MAP4K4: variants seen among roughly 807,000 people sequenced by gnomAD.
MAP4K4 encodes the protein mitogen-activated protein kinase kinase kinase kinase 4.
MAP4K4 carries 38 observed loss-of-function variants against 189.6 expected under a neutral mutation model. That is an observed-to-expected ratio of 0.20 (90% CI 0.15 to 0.26). The LOEUF is 0.26. Among genes scored for constraint, MAP4K4 ranks in the 10% least tolerant of loss-of-function variants. The pLI is 1.00. For synonymous variants in MAP4K4, 610 were observed against 624.3 expected (o/e 0.98, Z 0.34); for missense variants, 1,054 against 1,726.9 (o/e 0.61, Z 6.91).
intron 4 of MAP4K4, among the ~76,000 whole-genome samples, chr2:101,824,941 T>C (rs1229997132): frequency 6.6e-6 from 1 of 152,174 alleles, no homozygotes; most frequent in African/African-American, 2.4e-5. Context: ...ATGTGAAAAG[T>C]AGAATGTTTT....
chr2:101,834,092 T>C (rs189090776), intron 7 of MAP4K4, among the ~76,000 whole-genome samples: 44 of 152,300 alleles, frequency 2.9e-4, no homozygotes, highest in African/African-American at 9.6e-4. Flanking sequence ...TGCTTTTAAG[T>C]GGACCAGCTC....
chr2:101,792,629 T>TCC lies in MAP4K4; in HGVS notation c.180+1853_180+1854insCC, dbSNP rs1558948672. 1.9e-3 allele frequency among the ~76,000 whole-genome samples: 280 copies of TCC among 148,198 alleles called. 2 individuals are homozygous for TCC. Among genetic ancestry groups the TCC allele is most frequent in the African/African-American group, 6.3e-3 (248 of 39,102 alleles). The stretch of plus-strand genomic sequence containing the variant: ...CTCCTCCTCCTCCTCCTCCTCCTCC[T>TCC]TCTTCTTTCTTCTTCTTATTTTTTG... On this transcript the variant is annotated intron_variant, in intron 3 of 32. Transcript: ENST00000324219.
intron 2 of MAP4K4, among the ~76,000 whole-genome samples, chr2:101,765,471 C>T (rs1268540470): frequency 1.3e-5 from 2 of 151,920 alleles, no homozygotes; most frequent in East Asian, 1.9e-4. Flanking sequence ...CTGGGAGGTG[C>T]GCGCCACCAT....
intron 3 of MAP4K4, among the ~76,000 whole-genome samples, chr2:101,805,072 CAAAAAA>C (rs36081384): frequency 1.9e-4 from 11 of 56,434 alleles, no homozygotes; most frequent in Non-Finnish European, 3.8e-4. Context: ...GACTCCAGAT[CAAAAAA>C]AAAAAAAAAA....
intron 3 of MAP4K4, among the ~76,000 whole-genome samples, chr2:101,804,054 C>T (rs947045349): frequency 3.9e-5 from 6 of 152,142 alleles, no homozygotes; most frequent in African/African-American, 1.2e-4. Flanking sequence ...CTCTCTGCTC[C>T]AAGGGCAGAA....
At chr2:101,851,724 C>CTTTTTTTTTTTTTTTTTTTTTTTTT (rs36217584) in intron 12 of MAP4K4, among the ~76,000 whole-genome samples, 5 of 67,908 alleles carry the variant, frequency 7.4e-5, no homozygotes, top group Non-Finnish European at 1.4e-4. Context: ...TAACTGTCCT[C>CTTTTTTTTTTTTTTTTTTTTTTTTT]TTTTTTTTTT....
chr2:101,850,036 C>G (rs1458375151), intron 12 of MAP4K4, among the ~76,000 whole-genome samples: 1 of 152,238 alleles, frequency 6.6e-6, no homozygotes, highest in East Asian at 1.9e-4. Flanking sequence ...TTTCTTACAT[C>G]TTTCCTTTCA....
At chr2:101,839,722 C>T in intron 9 of MAP4K4, 97 bp from the exon 10 acceptor site, 1 of 896,136 alleles carries the variant, frequency 1.1e-6, no homozygotes, top group Non-Finnish European at 1.7e-6. Context: ...ACAGTGAATT[C>T]TGAAGCTCTT....
chr2:101,707,450 C>A (rs1333540888), intron 2 of MAP4K4, among the ~76,000 whole-genome samples: 4 of 152,038 alleles, frequency 2.6e-5, no homozygotes, highest in Non-Finnish European at 5.9e-5. Flanking sequence ...CTCAGGTGAT[C>A]CCCCTGCCTG....
chr2:101,861,254 G>A (rs1412712402), intron 16 of MAP4K4: 1 of 298,468 alleles, frequency 3.4e-6, no homozygotes, highest in Non-Finnish European at 6.1e-6. Flanking sequence ...CAGGTGTTAA[G>A]TGCCTCCTTT....
At chr2:101,787,804 CTTT>C (rs750909990) in intron 2 of MAP4K4, among the ~76,000 whole-genome samples, 1 of 128,834 alleles carries the variant, frequency 7.8e-6, no homozygotes. Flanking sequence ...TAGAAGTTTG[CTTT>C]TTTTTTTTTT....
intron 2 of MAP4K4, among the ~76,000 whole-genome samples, chr2:101,784,107 C>T (rs777665500): frequency 2.0e-5 from 3 of 152,192 alleles, no homozygotes; most frequent in Non-Finnish European, 4.4e-5. Flanking sequence ...TCAGCCGCAG[C>T]CACCATGGTG....
chr2:101,891,391 C>T (rs1445200188), exon 33 of MAP4K4: 4 of 651,760 alleles, frequency 6.1e-6, no homozygotes, highest in South Asian at 1.8e-5. Flanking sequence ...GGGTTCTCTC[C>T]CCTCCTTCCT....
chr2:101,828,616 TAAC>T (rs2096468144), intron 5 of MAP4K4, among the ~76,000 whole-genome samples: 1 of 152,314 alleles, frequency 6.6e-6, no homozygotes, highest in East Asian at 1.9e-4. Context: ...AAAGTAATGA[TAAC>T]AATAAAACCC....
At chr2:101,805,748 G>A (rs911995448) in intron 3 of MAP4K4, among the ~76,000 whole-genome samples, 27 of 152,182 alleles carry the variant, frequency 1.8e-4, no homozygotes, top group African/African-American at 6.3e-4. Context: ...GACGTTGCTG[G>A]CGTGTGATGA....
At chr2:101,891,987 TAAAAAAAAAAAAAA>T (rs60620198) in exon 33 of MAP4K4, 16 of 59,818 alleles carry the variant, frequency 2.7e-4, no homozygotes, top group African/African-American at 7.3e-4. Context: ...CAGATGGTTC[TAAAAAAAAAAAAAA>T]AAAAAAAAAA....
At chr2:101,829,780 T>C in intron 6 of MAP4K4, 186 bp downstream of exon 6, 1 of 524,656 alleles carries the variant, frequency 1.9e-6, no homozygotes, top group Admixed American at 3.1e-5. Flanking sequence ...TCCATGTTTG[T>C]GCCCCCCTGC....
At chr2:101,885,365 G>C in intron 29 of MAP4K4, 78 bp downstream of exon 29, 1 of 812,718 alleles carries the variant, frequency 1.2e-6, no homozygotes, top group Admixed American at 2.7e-5. Context: ...TGTTTAAAAA[G>C]TCTGAATGTT....
intron 3 of MAP4K4, among the ~76,000 whole-genome samples, chr2:101,794,602 T>C (rs2093452207): frequency 6.6e-6 from 1 of 152,198 alleles, no homozygotes. Flanking sequence ...CACCTGAAAA[T>C]ATTTGAGCAT....
Sources: allele counts gnomAD v4.1 joint callset (sites outside exome capture counted in the v4.1 genomes callset), GRCh38; gene constraint gnomAD v4.1.1; transcripts MANE v1.5; gene names NCBI Gene and HGNC (gene_info 2026-07-23, HGNC 2026-07-21).